DIP2A: variants seen among roughly 807,000 people sequenced by gnomAD.
The protein encoded by DIP2A is disco-interacting protein 2 homolog A.
In DIP2A, 85 loss-of-function variants were observed where a neutral mutation model predicts 177.4. That is an observed-to-expected ratio of 0.48 (90% CI 0.40 to 0.57). The LOEUF (loss-of-function observed/expected upper bound fraction) is 0.57. DIP2A is among the 20% of genes least tolerant of loss of function. The pLI is 0.00. For synonymous variants in DIP2A, 886 were observed against 881.8 expected (o/e 1.00, Z -0.08); for missense variants, 1,791 against 2,100.2 (o/e 0.85, Z 2.88).
chr21:46,471,355 C>T (rs2055364878), intron 1 of DIP2A, among the ~76,000 whole-genome samples: 1 of 152,104 alleles, frequency 6.6e-6, no homozygotes, highest in Non-Finnish European at 1.5e-5. Context: ...TTTTTAAGAG[C>T]AGTCTTAGGT....
chr21:46,481,742 GA>G (rs1324495027), intron 1 of DIP2A, among the ~76,000 whole-genome samples: 1 of 152,154 alleles, frequency 6.6e-6, no homozygotes, highest in African/African-American at 2.4e-5. Flanking sequence ...ACTGAAAGCA[GA>G]AAAAACAATA....
In DIP2A at chr21:46,496,992, C is replaced by T. The variant is rs1332340087; in HGVS notation, c.288C>T (p.Val96=). The change falls in exon 4 of 38, where the codon GTC becomes GTT. Residue 96 remains valine (V), a synonymous_variant. Coordinates refer to ENST00000417564, the MANE Select transcript of DIP2A (RefSeq NM_015151.4). ...ASRDERFRSD[V]HTEAVQAALA... ...ACTGCTGTCCTTCCTGTGTAGATGT[C>T]CACACTGAAGCCGTGCAAGCAGCTT... is the stretch of plus-strand genomic sequence containing the variant. 3 of 1,612,548 alleles carry T rather than the reference C, an allele frequency of 1.9e-6. No homozygotes were observed. The highest frequency in any genetic ancestry group is 2.5e-6 in the Non-Finnish European group (3 of 1,179,398).
chr21:46,470,929 GA>G (rs61607316), intron 1 of DIP2A, among the ~76,000 whole-genome samples: 6,322 of 82,866 alleles, frequency 0.076, 150 homozygotes, highest in Non-Finnish European at 0.12. Flanking sequence ...TTCTGTTTCA[GA>G]AAAAAAAAAA....
chr21:46,506,767 T>C (rs1197995088), intron 6 of DIP2A, among the ~76,000 whole-genome samples: 2 of 105,246 alleles, frequency 1.9e-5, no homozygotes, highest in Non-Finnish European at 4.2e-5. Flanking sequence ...TTTCTTTCTT[T>C]CTTTCTTTTC....
chr21:46,471,875 T>G (rs953303015), intron 1 of DIP2A, among the ~76,000 whole-genome samples: 8 of 152,254 alleles, frequency 5.3e-5, no homozygotes, highest in Non-Finnish European at 1.2e-4. Context: ...ATCCTGTGTC[T>G]TCTTTCTACA....
At chr21:46,465,464 C>T (rs909929358) in intron 1 of DIP2A, among the ~76,000 whole-genome samples, 9 of 152,054 alleles carry the variant, frequency 5.9e-5, no homozygotes, top group African/African-American at 1.4e-4. Context: ...ATCCCAGCTA[C>T]GTGGGAGGCT....
rs765725867 is a variant in DIP2A, at chr21:46,504,504, C to G, written c.784+15C>G. On this transcript the variant is annotated intron_variant, in intron 6 of 37. Coordinates refer to ENST00000417564, the MANE Select transcript of DIP2A (RefSeq NM_015151.4). The stretch of plus-strand genomic sequence containing the variant: ...AACAGCAGATGGTGAGCCTGCCTCT[C>G]TTTCTCCTCGTGAAATAGCAGAACA... 6.3e-7 allele frequency: 1 copy of G among 1,592,832 alleles called. No homozygotes were observed. Among genetic ancestry groups the G allele is most frequent in the Non-Finnish European group, 8.5e-7 (1 of 1,169,666 alleles).
intron 1 of DIP2A, among the ~76,000 whole-genome samples, chr21:46,472,168 AG>A (rs2055444367): frequency 6.6e-6 from 1 of 152,202 alleles, no homozygotes; most frequent in South Asian, 2.1e-4. Flanking sequence ...AGGAGACACC[AG>A]GGATATTTGT....
In DIP2A at chr21:46,546,957, G is replaced by A; in HGVS notation, c.2437G>A (p.Val813Ile). The A allele has an allele frequency of 6.2e-7, 1 of 1,613,950 alleles. No homozygotes were observed. Among genetic ancestry groups the A allele is most frequent in the Non-Finnish European group, 8.5e-7 (1 of 1,179,878 alleles). The stretch of plus-strand genomic sequence containing the variant: ...CGTGGGCAAACTGGACGGGCTGATG[G>A]TCACTGGAGTTCGCAGACACAATGC... ...FIVGKLDGLM[V>I]TGVRRHNADD... Residue 813 changes from valine (V) to isoleucine (I), a missense_variant, in exon 21 of 38, where the codon GTC becomes ATC. Physicochemically the swap from Val to Ile is conservative, Grantham distance 29. Coordinates refer to ENST00000417564, the MANE Select transcript of DIP2A (RefSeq NM_015151.4).
the DIP2A span, among the ~76,000 whole-genome samples, chr21:46,579,294 A>G: frequency 4.6e-5 from 7 of 152,154 alleles, no homozygotes; most frequent in African/African-American, 1.7e-4. Context: ...CCGTAGGGTC[A>G]GTGGTGATAT....
At chr21:46,475,343 A>C (rs2055752743) in intron 1 of DIP2A, among the ~76,000 whole-genome samples, 1 of 152,268 alleles carries the variant, frequency 6.6e-6, no homozygotes, top group Admixed American at 6.5e-5. Context: ...GCCAAGAGCT[A>C]TATTTTTATG....
chr21:46,472,594 G>A (rs967888962), intron 1 of DIP2A, among the ~76,000 whole-genome samples: 1 of 152,226 alleles, frequency 6.6e-6, no homozygotes, highest in African/African-American at 2.4e-5. Flanking sequence ...GGTGGAGAAG[G>A]AGGAGCGGGG....
chr21:46,531,992 T>C, intron 9 of DIP2A, 135 bp from the exon 10 acceptor site: 1 of 756,734 alleles, frequency 1.3e-6, no homozygotes, highest in East Asian at 2.8e-5. Flanking sequence ...TATTTGGACT[T>C]GTCCCTTATG....
intron 36 of DIP2A, among the ~76,000 whole-genome samples, chr21:46,566,209 T>C (rs2060832819): frequency 6.6e-6 from 1 of 152,062 alleles, no homozygotes; most frequent in Non-Finnish European, 1.5e-5. Flanking sequence ...CACAACCCAT[T>C]TAAGGTTGTG....
intron 8 of DIP2A, among the ~76,000 whole-genome samples, chr21:46,526,397 C>CTTTTTTT (rs1357295827): frequency 1.4e-5 from 2 of 138,992 alleles, no homozygotes. Context: ...ACGTTCATTC[C>CTTTTTTT]TTTTTTTTTT....
intron 1 of DIP2A, among the ~76,000 whole-genome samples, chr21:46,473,471 G>C (rs1037934788): frequency 6.8e-6 from 1 of 148,146 alleles, no homozygotes; most frequent in Non-Finnish European, 1.5e-5. Context: ...AAAAAAAGGG[G>C]GGGGGGCCAT....
At chr21:46,512,197 T>A (rs1221707800) in intron 8 of DIP2A, among the ~76,000 whole-genome samples, 3 of 152,218 alleles carry the variant, frequency 2.0e-5, no homozygotes, top group Non-Finnish European at 4.4e-5. Flanking sequence ...TACTGGAACT[T>A]ACTTACACAC....
chr21:46,469,541 A>C (rs1447634397), intron 1 of DIP2A, among the ~76,000 whole-genome samples: 1 of 152,168 alleles, frequency 6.6e-6, no homozygotes, highest in African/African-American at 2.4e-5. Context: ...CTAATCTAAT[A>C]GTTTGTTTGG....
intron 23 of DIP2A, 53 bp from the exon 24 acceptor site, chr21:46,551,581 T>G (rs1392070413): frequency 2.1e-6 from 3 of 1,426,460 alleles, no homozygotes; most frequent in African/African-American, 1.4e-5. Context: ...AATCACGTGA[T>G]GTTTATATAT....
Sources: gnomAD v4.1 joint callset for allele counts (sites outside exome capture counted in the v4.1 genomes callset) on GRCh38, gnomAD v4.1.1 for gene constraint, MANE v1.5 for transcripts, NCBI Gene and HGNC (gene_info 2026-07-23, HGNC 2026-07-21) for gene names.